The following CNTN4 variants were observed in gnomAD, a reference collection of about 807,000 sequenced individuals.
The protein encoded by CNTN4 is contactin-4.
A neutral mutation model predicts 122.5 loss-of-function variants in CNTN4; 77 were observed. That is an observed-to-expected ratio of 0.63 (90% CI 0.52 to 0.76). CNTN4 has a LOEUF of 0.76. CNTN4 is among the 30% of genes least tolerant of loss of function. The pLI, the probability that CNTN4 is intolerant of heterozygous loss-of-function variation, is 0.00. For synonymous variants in CNTN4, 512 were observed against 447.0 expected, an observed-to-expected ratio of 1.15 and a Z score of -1.83; for missense variants, 1,256 against 1,259.1, an observed-to-expected ratio of 1.00 and a Z score of 0.04.
intron 4 of CNTN4, among the ~76,000 whole-genome samples, chr3:2,722,321 A>G (rs751506870): frequency 1.2e-4 from 19 of 152,198 alleles, no homozygotes; most frequent in Non-Finnish European, 2.2e-4. Context: ...TGAATAGTCT[A>G]GTACATAGTG....
intron 4 of CNTN4, among the ~76,000 whole-genome samples, chr3:2,666,993 A>C (rs1434406301): frequency 6.6e-6 from 1 of 151,926 alleles, no homozygotes; most frequent in East Asian, 1.9e-4. Flanking sequence ...TCTATCATTG[A>C]TGGACATTTG....
chr3:2,191,432 A>G (rs1489619164), intron 2 of CNTN4, among the ~76,000 whole-genome samples: 1 of 152,064 alleles, frequency 6.6e-6, no homozygotes, highest in African/African-American at 2.4e-5. Flanking sequence ...GTAGTAGACA[A>G]TTTAAAAGCC....
intron 3 of CNTN4, among the ~76,000 whole-genome samples, chr3:2,528,359 G>T (rs2077477199): frequency 6.6e-6 from 1 of 152,004 alleles, no homozygotes; most frequent in Admixed American, 6.6e-5. Flanking sequence ...GGAGAAATCA[G>T]GAATATCAAC....
chr3:2,423,485 T>C (rs941012011), intron 3 of CNTN4, among the ~76,000 whole-genome samples: 1 of 152,058 alleles, frequency 6.6e-6, no homozygotes, highest in Non-Finnish European at 1.5e-5. Flanking sequence ...AACTTGTTTT[T>C]TTTTTTTTTT....
chr3:2,743,503 C>T (rs1388363057), intron 5 of CNTN4, among the ~76,000 whole-genome samples: 1 of 152,116 alleles, frequency 6.6e-6, no homozygotes, highest in Non-Finnish European at 1.5e-5. Context: ...CCTTTCTTAC[C>T]TCTCTTGTTT....
At chr3:2,941,149 G>A (rs2151502482) in intron 13 of CNTN4, among the ~76,000 whole-genome samples, 1 of 152,222 alleles carries the variant, frequency 6.6e-6, no homozygotes, top group South Asian at 2.1e-4. Context: ...ATTTTCTCAA[G>A]GACTTTCCCT....
At chr3:2,627,725 C>A (rs562211260) in intron 4 of CNTN4, among the ~76,000 whole-genome samples, 4 of 152,032 alleles carry the variant, frequency 2.6e-5, no homozygotes, top group Non-Finnish European at 5.9e-5. Flanking sequence ...GATCTCCTGA[C>A]CTTGTGATCT....
At chr3:2,429,195 C>T (rs915740859) in intron 3 of CNTN4, among the ~76,000 whole-genome samples, 1 of 152,208 alleles carries the variant, frequency 6.6e-6, no homozygotes, top group Non-Finnish European at 1.5e-5. Context: ...GCTCTGCTTT[C>T]TCCCCATCTT....
At chr3:2,460,047 A>T (rs1311790432) in intron 3 of CNTN4, among the ~76,000 whole-genome samples, 1 of 152,056 alleles carries the variant, frequency 6.6e-6, no homozygotes, top group Admixed American at 6.6e-5. Context: ...TTATCTGGCC[A>T]TCTATCTCTG....
chr3:2,606,350 G>T (rs1004156334), intron 4 of CNTN4, among the ~76,000 whole-genome samples: 7 of 152,258 alleles, frequency 4.6e-5, no homozygotes, highest in South Asian at 2.1e-4. Flanking sequence ...AGGGGTCGAG[G>T]GGGAGGGAGA....
At chr3:2,527,378 A>C (rs1339024203) in intron 3 of CNTN4, among the ~76,000 whole-genome samples, 1 of 152,146 alleles carries the variant, frequency 6.6e-6, no homozygotes, top group African/African-American at 2.4e-5. Flanking sequence ...TTTACTCTTG[A>C]GGACTGGCAC....
intron 23 of CNTN4, among the ~76,000 whole-genome samples, chr3:3,048,414 C>G (rs928053799): frequency 2.0e-5 from 3 of 152,104 alleles, no homozygotes; most frequent in African/African-American, 4.8e-5. Flanking sequence ...ATATCCAGGA[C>G]TTGAGTATCC....
At chr3:2,106,444 A>G (rs760689085) in intron 2 of CNTN4, among the ~76,000 whole-genome samples, 3 of 152,140 alleles carry the variant, frequency 2.0e-5, no homozygotes, top group Non-Finnish European at 4.4e-5. Context: ...CCAAACCTTC[A>G]TTTTTGTCTT....
chr3:2,618,155 A>G (rs927374569), intron 4 of CNTN4, among the ~76,000 whole-genome samples: 2 of 152,202 alleles, frequency 1.3e-5, no homozygotes, highest in African/African-American at 4.8e-5. Context: ...GATAATGCTT[A>G]GAACCATCCT....
rs183597557 is a variant in CNTN4, at chr3:2,911,988, C to G, written c.1207+8983C>G. ...ATATAAGTGTTATGTAATTTGCAGA[C>G]AATAAAGAGAGAAAATGGCAGAGAG... On this transcript the variant is annotated intron_variant, in intron 12 of 24. Transcript: ENST00000418658. 2.3e-3 allele frequency among the ~76,000 whole-genome samples: 354 copies of G among 152,040 alleles called. 3 individuals are homozygous for G. Among genetic ancestry groups the G allele is most frequent in the Non-Finnish European group, 3.1e-3 (210 of 67,980 alleles).
chr3:2,882,201 A>G (rs1289353721), intron 8 of CNTN4, among the ~76,000 whole-genome samples: 3 of 152,038 alleles, frequency 2.0e-5, no homozygotes, highest in African/African-American at 7.2e-5. Context: ...CGTCTCCACT[A>G]AAAATACAAA....
intron 3 of CNTN4, among the ~76,000 whole-genome samples, chr3:2,380,100 A>G (rs2150753229): frequency 6.6e-6 from 1 of 151,618 alleles, no homozygotes; most frequent in African/African-American, 2.4e-5. Context: ...TGATAATTTA[A>G]TTAGATACTG....
At chr3:3,007,047 G>GTT (rs143915704) in intron 14 of CNTN4, among the ~76,000 whole-genome samples, 2,893 of 152,304 alleles carry the variant, frequency 0.019, 39 homozygotes, top group Non-Finnish European at 0.027. Context: ...TCCCAGCAGT[G>GTT]TTTTTGTAGC....
At chr3:2,237,331 T>A (rs1228114025) in intron 2 of CNTN4, among the ~76,000 whole-genome samples, 2 of 152,064 alleles carry the variant, frequency 1.3e-5, no homozygotes, top group Non-Finnish European at 2.9e-5. Flanking sequence ...TACTGTAAGC[T>A]GGGTGTGGTT....
Sources: gnomAD v4.1 joint callset for allele counts (sites outside exome capture counted in the v4.1 genomes callset) on GRCh38, gnomAD v4.1.1 for gene constraint, MANE v1.5 for transcripts, NCBI Gene and HGNC (gene_info 2026-07-23, HGNC 2026-07-21) for gene names.